Variants in MYH10 observed in about 807,000 individuals in gnomAD.
MYH10 encodes myosin-10.
MYH10 carries 55 observed loss-of-function variants against 257.8 expected under a neutral mutation model. The observed-to-expected ratio is 0.21, with a 90% confidence interval of 0.17 to 0.27. The LOEUF (loss-of-function observed/expected upper bound fraction) is 0.27, where lower values mean the gene tolerates loss of function less well. Ranked by LOEUF, MYH10 falls within the 10% of genes least tolerant of loss-of-function variation. The pLI, the probability that MYH10 is intolerant of heterozygous loss-of-function variation, is 1.00. For synonymous variants in MYH10, 854 were observed against 921.7 expected (o/e 0.93, Z 1.33); for missense variants, 1,631 against 2,500.6 (o/e 0.65, Z 7.42).
At chr17:8,603,292 G>C (rs1256304202) in intron 3 of MYH10, among the ~76,000 whole-genome samples, 1 of 152,162 alleles carries the variant, frequency 6.6e-6, no homozygotes, top group Admixed American at 6.5e-5. Flanking sequence ...ACACCCTTTG[G>C]TGCACATCCG....
intron 3 of MYH10, among the ~76,000 whole-genome samples, chr17:8,598,927 G>C (rs1160754034): frequency 3.3e-5 from 5 of 152,230 alleles, no homozygotes; most frequent in African/African-American, 9.6e-5. Flanking sequence ...GGCTGGTCTT[G>C]AACTCCTGAG....
chr17:8,498,556 G>C (rs1175812195), intron 30 of MYH10, among the ~76,000 whole-genome samples: 6 of 152,090 alleles, frequency 3.9e-5, no homozygotes, highest in Admixed American at 6.5e-5. Context: ...CTTTAGAAGA[G>C]GTTGCACTAG....
At chr17:8,540,099 C>G (rs1323514900) in intron 14 of MYH10, among the ~76,000 whole-genome samples, 2 of 152,186 alleles carry the variant, frequency 1.3e-5, no homozygotes, top group South Asian at 2.1e-4. Context: ...AAGTGATTCT[C>G]ATGTCTCAGC....
At position 8,610,271 on chromosome 17, in the gene MYH10, C is replaced by CAAAAAAAAAA. The variant is rs71361810; in HGVS notation, c.346-5299_346-5290dup. 5.8e-3 allele frequency among the ~76,000 whole-genome samples: 268 copies of CAAAAAAAAAA among 45,972 alleles called. 63 individuals carry two copies. The highest frequency in any genetic ancestry group is 0.017 in the African/African-American group (167 of 9,860). The allele number at this position is 45,972 out of a possible 152,430, so 30.2% of individuals were successfully genotyped here. A position where few individuals can be genotyped will look rare whatever the true frequency, so the allele number is the denominator to read the frequency against. ...GTTTATAGGGAGCACCATAGGATTG[C>CAAAAAAAAAA]AAAAAAAAAAAAAAAAAAAAAGGGT... On this transcript the variant is annotated intron_variant, in intron 2 of 42. Coordinates refer to ENST00000360416, the MANE Select transcript of MYH10 (RefSeq NM_001256012.3).
chr17:8,480,037 AGGGG>A (rs1382494861), intron 40 of MYH10, 69 bp downstream of exon 40: 9 of 1,484,482 alleles, frequency 6.1e-6, no homozygotes, highest in Non-Finnish European at 8.3e-6. Flanking sequence ...CCCCCCCGAA[AGGGG>A]CATGCCTGTT....
intron 28 of MYH10, among the ~76,000 whole-genome samples, chr17:8,502,800 AT>A (rs1221915811): frequency 6.6e-6 from 1 of 152,124 alleles, no homozygotes; most frequent in East Asian, 1.9e-4. Flanking sequence ...TTTAATAAAT[AT>A]GCGCATTTAG....
intron 21 of MYH10, among the ~76,000 whole-genome samples, chr17:8,515,922 C>T (rs111363746): frequency 9.8e-4 from 149 of 152,330 alleles, no homozygotes; most frequent in African/African-American, 3.2e-3. Flanking sequence ...ATCTATTAAG[C>T]ATCCACCTTC....
chr17:8,513,240 C>T (rs140264505), intron 23 of MYH10, among the ~76,000 whole-genome samples: 140 of 152,182 alleles, frequency 9.2e-4, no homozygotes, highest in African/African-American at 2.4e-3. Flanking sequence ...GTGACAGTAC[C>T]GGGAACCTCA....
intron 30 of MYH10, among the ~76,000 whole-genome samples, chr17:8,495,679 T>C (rs776899322): frequency 3.3e-5 from 5 of 152,086 alleles, no homozygotes; most frequent in African/African-American, 9.7e-5. Context: ...CACATTCTTA[T>C]AGAACTTGAA....
chr17:8,524,449 C>CAAAAAAAAAA (rs541255427), intron 17 of MYH10, among the ~76,000 whole-genome samples: 1 of 62,128 alleles, frequency 1.6e-5, no homozygotes, highest in African/African-American at 6.6e-5. Context: ...GACTCTGTCT[C>CAAAAAAAAAA]AAAAAAAAAA....
chr17:8,612,240 T>G lies in MYH10; in HGVS notation c.346-7258A>C, dbSNP rs113676909. The stretch of plus-strand genomic sequence containing the variant: ...ATAGCCCCAAGCACAAGAGTAGTGA[T>G]GCTGGCAATTCTGATATGCCAAAGA... On this transcript the variant is annotated intron_variant, in intron 2 of 42. Transcript: ENST00000360416. Among the ~76,000 whole-genome samples the G allele has an allele frequency of 5.6e-3, 850 of 152,216 alleles. 11 individuals carry two copies. The highest frequency in any genetic ancestry group is 0.02 in the African/African-American group (809 of 41,482).
At chr17:8,495,351 T>G in intron 30 of MYH10, 110 bp from the exon 31 acceptor site, 1 of 670,954 alleles carries the variant, frequency 1.5e-6, no homozygotes, top group South Asian at 1.8e-5. Flanking sequence ...AGTGTGAACC[T>G]GAAACTACCC....
intron 9 of MYH10, among the ~76,000 whole-genome samples, chr17:8,550,033 C>T (rs1272730636): frequency 2.7e-5 from 4 of 149,988 alleles, no homozygotes; most frequent in East Asian, 3.9e-4. Flanking sequence ...GATCTCGGCT[C>T]GCTACAACCT....
intron 7 of MYH10, among the ~76,000 whole-genome samples, chr17:8,564,538 A>C (rs554860193): frequency 6.6e-6 from 1 of 152,190 alleles, no homozygotes; most frequent in African/African-American, 2.4e-5. Flanking sequence ...CGAGCTCAAC[A>C]ACATCATGAC....
chr17:8,482,066 C>T (rs1168085681), intron 37 of MYH10, among the ~76,000 whole-genome samples: 1 of 152,336 alleles, frequency 6.6e-6, no homozygotes, highest in East Asian at 1.9e-4. Context: ...TGCCTGATGG[C>T]TGCTTTTCCA....
intron 6 of MYH10, among the ~76,000 whole-genome samples, chr17:8,574,312 C>A (rs549341027): frequency 2.6e-5 from 4 of 152,102 alleles, no homozygotes; most frequent in Admixed American, 2.6e-4. Flanking sequence ...TCCATTCACA[C>A]GAAATGTCTA....
In MYH10 at chr17:8,477,098, T is replaced by G. The variant is rs1202941704; in HGVS notation, c.5707-50A>C. 7.5e-6 allele frequency: 12 copies of G among 1,604,878 alleles called. No individual in the cohort carries two copies. In the African/African-American group the frequency reaches 1.2e-4, roughly 16 times the overall value. On this transcript the variant is annotated intron_variant, in intron 41 of 42. Coordinates refer to ENST00000360416, the MANE Select transcript of MYH10 (RefSeq NM_001256012.3). The surrounding 1 kb of genome is among the most constrained non-coding windows in gnomAD (Gnocchi z 4.2). ...ACAAACCAAACTGGTGAATCCAGTG[T>G]CGGCCTCTCTGTACCCCGAGCGTGG... is the stretch of plus-strand genomic sequence containing the variant.
In MYH10 at chr17:8,513,634, T is replaced by C. The variant is rs1157160371; in HGVS notation, c.2649A>G (p.Glu883=). 1 of 1,614,010 alleles carries C rather than the reference T, an allele frequency of 6.2e-7. No individual in the cohort carries two copies. Among genetic ancestry groups the C allele is most frequent in the South Asian group, 1.1e-5 (1 of 91,076 alleles). The change falls in exon 23 of 43, where the codon GAA becomes GAG. Residue 883 remains glutamate, a synonymous_variant. Transcript: ENST00000360416. The part of the protein sequence containing the change: ...KPLLQVTRQE[E]ELQAKDEELL... ...GCTCTTCATCTTTGGCCTGAAGTTC[T>C]TCCTCCTGGCGAGTCACTTGTAGAA...
At chr17:8,556,864 T>C (rs1428258880) in intron 7 of MYH10, among the ~76,000 whole-genome samples, 1 of 152,192 alleles carries the variant, frequency 6.6e-6, no homozygotes. Flanking sequence ...CAGATGAGCA[T>C]GGCCCCTGTG....
Sources: gnomAD v4.1 joint callset for allele counts (sites outside exome capture counted in the v4.1 genomes callset) on GRCh38, gnomAD v4.1.1 for gene constraint, Gnocchi (gnomAD v3.1) non-coding constraint, MANE v1.5 for transcripts, NCBI Gene and HGNC (gene_info 2026-07-23, HGNC 2026-07-21) for gene names.